Variants in IQCJ observed in about 807,000 individuals in gnomAD.
IQCJ encodes IQ motif containing J, also known as IQ domain-containing protein J.
In IQCJ, 9 loss-of-function variants were observed where a neutral mutation model predicts 11.0. That is an observed-to-expected ratio of 0.82 (90% CI 0.49 to 1.43). The LOEUF (loss-of-function observed/expected upper bound fraction) is 1.43. Among genes scored for constraint, IQCJ ranks in the 40% most tolerant of loss-of-function variants. The pLI is 0.00. For synonymous variants in IQCJ, 55 were observed against 51.3 expected (o/e 1.07, Z -0.31); for missense variants, 146 against 133.2 (o/e 1.10, Z -0.47).
intron 1 of IQCJ, 144 bp downstream of exon 1, chr3:159,069,585 T>C (rs1447835327): frequency 8.7e-7 from 1 of 1,152,356 alleles, no homozygotes; most frequent in Non-Finnish European, 1.2e-6. Context: ...GCTTAATTAT[T>C]GGTCTAGGTG....
At chr3:159,073,542 C>T (rs1273398607) in intron 1 of IQCJ, among the ~76,000 whole-genome samples, 1 of 152,048 alleles carries the variant, frequency 6.6e-6, no homozygotes, top group East Asian at 1.9e-4. Context: ...CCCAGAACCT[C>T]CCATTCAACA....
intron 1 of IQCJ, among the ~76,000 whole-genome samples, chr3:159,190,258 C>T (rs1421870115): frequency 1.3e-5 from 2 of 152,204 alleles, no homozygotes. Context: ...TCTTGCAGTT[C>T]TCTCAGCATA....
At chr3:159,180,469 C>A (rs1262745052) in intron 1 of IQCJ, among the ~76,000 whole-genome samples, 1 of 150,338 alleles carries the variant, frequency 6.7e-6, no homozygotes, top group Non-Finnish European at 1.5e-5. Context: ...AAAAATGATT[C>A]AGCAGAAAGT....
At chr3:159,171,435 C>T (rs1354434919) in intron 1 of IQCJ, among the ~76,000 whole-genome samples, 4 of 152,192 alleles carry the variant, frequency 2.6e-5, no homozygotes, top group Admixed American at 6.5e-5. Flanking sequence ...TTGTTAAACA[C>T]AGGTTCCTGG....
At chr3:159,087,561 G>A (rs992050464) in intron 1 of IQCJ, among the ~76,000 whole-genome samples, 5 of 151,336 alleles carry the variant, frequency 3.3e-5, no homozygotes, top group Admixed American at 6.6e-5. Context: ...ACTCTTTTTG[G>A]TTGGTAAGCT....
intron 1 of IQCJ, among the ~76,000 whole-genome samples, chr3:159,128,043 A>G (rs1399752754): frequency 6.6e-6 from 1 of 152,242 alleles, no homozygotes; most frequent in African/African-American, 2.4e-5. Context: ...AAGACTGTAG[A>G]GAGAAATATC....
At chr3:159,121,608 A>G (rs1401342470) in intron 1 of IQCJ, among the ~76,000 whole-genome samples, 2 of 152,090 alleles carry the variant, frequency 1.3e-5, no homozygotes, top group Non-Finnish European at 2.9e-5. Context: ...GGCTGCTGGG[A>G]TCTTTTATAA....
chr3:159,245,188 G>C (rs1727182534), intron 1 of IQCJ, among the ~76,000 whole-genome samples: 1 of 152,124 alleles, frequency 6.6e-6, no homozygotes, highest in African/African-American at 2.4e-5. Flanking sequence ...AGACAAGAGA[G>C]AAGGGTTGCT....
At chr3:159,168,958 C>T (rs921546376) in intron 1 of IQCJ, among the ~76,000 whole-genome samples, 7 of 136,012 alleles carry the variant, frequency 5.1e-5, no homozygotes, top group South Asian at 2.9e-4. Context: ...ATTCTCATGA[C>T]GATGAAGACA....
chr3:159,224,527 T>C (rs1725730422), intron 1 of IQCJ, among the ~76,000 whole-genome samples: 2 of 152,322 alleles, frequency 1.3e-5, no homozygotes, highest in South Asian at 4.1e-4. Context: ...AATCACATAA[T>C]TAACATAGAA....
At chr3:159,217,028 T>C (rs1005821322) in intron 1 of IQCJ, among the ~76,000 whole-genome samples, 1 of 152,196 alleles carries the variant, frequency 6.6e-6, no homozygotes, top group African/African-American at 2.4e-5. Context: ...TTAAAAAGTT[T>C]GAAATATTTC....
intron 3 of IQCJ, among the ~76,000 whole-genome samples, chr3:159,258,476 T>C (rs1052175811): frequency 6.6e-6 from 1 of 152,094 alleles, no homozygotes; most frequent in Admixed American, 6.5e-5. Flanking sequence ...AAATTAATAT[T>C]GGGCACGCAA....
At chr3:159,214,693 T>C (rs1038309792) in intron 1 of IQCJ, among the ~76,000 whole-genome samples, 4 of 152,184 alleles carry the variant, frequency 2.6e-5, no homozygotes, top group Non-Finnish European at 4.4e-5. Context: ...TTAGCACCAG[T>C]GTGGGGCCTG....
chr3:159,263,018 G>T lies in IQCJ; in HGVS notation c.*287G>T. 2.8e-6 allele frequency: 3 copies of T among 1,072,016 alleles called. No individual in the cohort carries two copies. Among genetic ancestry groups the T allele is most frequent in the Non-Finnish European group, 3.4e-6 (3 of 883,632 alleles). 66.4% of individuals were successfully genotyped at this position (1,072,016 alleles called of 1,614,324 possible). On this transcript the variant is annotated 3_prime_UTR_variant, in exon 4 of 4. Coordinates refer to ENST00000397832, the MANE Select transcript of IQCJ (RefSeq NM_001042706.3). Reference sequence around the variant, plus strand: ...CTGTGTGTTTCTTTTATTGTGTGGTGCTAATATGATAGAAGATAAGATTGG... The same window carrying T: ...CTGTGTGTTTCTTTTATTGTGTGGTTCTAATATGATAGAAGATAAGATTGG...
At chr3:159,113,581 T>A (rs1006096141) in intron 1 of IQCJ, among the ~76,000 whole-genome samples, 1 of 152,218 alleles carries the variant, frequency 6.6e-6, no homozygotes, top group Non-Finnish European at 1.5e-5. Flanking sequence ...CAATACTGAG[T>A]TCAAAGATAG....
chr3:159,261,314 A>T (rs764991406), intron 3 of IQCJ, among the ~76,000 whole-genome samples: 5 of 152,208 alleles, frequency 3.3e-5, no homozygotes. Context: ...GTTAACTCCC[A>T]GAAGAGGTTA....
intron 1 of IQCJ, among the ~76,000 whole-genome samples, chr3:159,186,850 C>A (rs985145874): frequency 6.6e-6 from 1 of 152,174 alleles, no homozygotes; most frequent in African/African-American, 2.4e-5. Context: ...TGAGAGAAAA[C>A]GGGATGTCAG....
chr3:159,176,086 T>G (rs911920779), intron 1 of IQCJ, among the ~76,000 whole-genome samples: 1 of 152,222 alleles, frequency 6.6e-6, no homozygotes, highest in African/African-American at 2.4e-5. Flanking sequence ...ATAAGCTCTC[T>G]GGTGAAGTTT....
intron 1 of IQCJ, among the ~76,000 whole-genome samples, chr3:159,215,656 C>T (rs2108103449): frequency 6.6e-6 from 1 of 152,226 alleles, no homozygotes; most frequent in South Asian, 2.1e-4. Flanking sequence ...GTCAATTGAA[C>T]TTCCACCAGA....
Sources: allele counts gnomAD v4.1 joint callset (sites outside exome capture counted in the v4.1 genomes callset), GRCh38; gene constraint gnomAD v4.1.1; transcripts MANE v1.5; gene names NCBI Gene and HGNC (gene_info 2026-07-23, HGNC 2026-07-21).